The following PARN variants were observed in gnomAD, a reference collection of about 807,000 sequenced individuals.
The protein encoded by PARN is poly(A)-specific ribonuclease, also known as poly(A)-specific ribonuclease PARN.
A neutral mutation model predicts 102.8 loss-of-function variants in PARN; 71 were observed. The observed-to-expected ratio is 0.69, with a 90% confidence interval of 0.57 to 0.84. The LOEUF (loss-of-function observed/expected upper bound fraction) is 0.84, where lower values mean the gene tolerates loss of function less well. PARN is among the 40% of genes least tolerant of loss of function. The pLI is 0.00. For synonymous variants in PARN, 261 were observed against 252.9 expected (o/e 1.03, Z -0.30); for missense variants, 782 against 760.9 (o/e 1.03, Z -0.33).
rs1966866104 is a variant in PARN at position 14,544,634 on chromosome 16, GA to G, written c.1480+7386del. On this transcript the variant is annotated intron_variant, in intron 21 of 23. Coordinates refer to ENST00000437198, the MANE Select transcript of PARN (RefSeq NM_002582.4). Reference sequence around the variant, plus strand: ...CAAATATAAAAAACATAAGGAGGATGAAGTGATTATAATATCAGATAAGGTA... The same window carrying G: ...CAAATATAAAAAACATAAGGAGGATGAGTGATTATAATATCAGATAAGGTA... 3.9e-5 allele frequency among the ~76,000 whole-genome samples: 6 copies of G among 152,202 alleles called. No homozygotes were observed. In the South Asian group the frequency reaches 1.2e-3, roughly 32 times the overall value.
intron 21 of PARN, among the ~76,000 whole-genome samples, chr16:14,500,360 G>T (rs550290981): frequency 6.6e-6 from 1 of 152,126 alleles, no homozygotes; most frequent in Non-Finnish European, 1.5e-5. Flanking sequence ...GCCCAGGCTA[G>T]AATGGTTTCT....
chr16:14,477,777 G>GAAAGGGA (rs956870578), intron 22 of PARN, among the ~76,000 whole-genome samples: 8 of 151,872 alleles, frequency 5.3e-5, no homozygotes, highest in Admixed American at 1.3e-4. Flanking sequence ...GACTCCGTCG[G>GAAAGGGA]AAAGGGAAAA....
At chr16:14,523,832 T>C (rs1411322775) in intron 21 of PARN, among the ~76,000 whole-genome samples, 5 of 152,016 alleles carry the variant, frequency 3.3e-5, no homozygotes, top group Admixed American at 6.6e-5. Context: ...TGTTGCCTAA[T>C]GAAGGGGTAT....
At chr16:14,476,287 T>C (rs1963047581) in intron 22 of PARN, among the ~76,000 whole-genome samples, 1 of 152,198 alleles carries the variant, frequency 6.6e-6, no homozygotes, top group African/African-American at 2.4e-5. Context: ...ACTAATGTAG[T>C]TTACATTCTT....
At chr16:14,447,982 CTAT>C in intron 22 of PARN, among the ~76,000 whole-genome samples, 1 of 143,752 alleles carries the variant, frequency 7.0e-6, no homozygotes, top group East Asian at 2.0e-4. Context: ...ATCTATCTAT[CTAT>C]CTAATCTAAT....
At chr16:14,574,716 A>G (rs1048462059) in intron 18 of PARN, among the ~76,000 whole-genome samples, 5 of 152,184 alleles carry the variant, frequency 3.3e-5, no homozygotes, top group Admixed American at 2.6e-4. Context: ...CCATCTCAAA[A>G]AAAAAGAAAA....
chr16:14,617,523 C>T, intron 6 of PARN, 67 bp downstream of exon 6: 1 of 838,716 alleles, frequency 1.2e-6, no homozygotes, highest in Non-Finnish European at 2.1e-6. Flanking sequence ...CAACCAAGTT[C>T]AGACTTACTT....
At chr16:14,555,990 G>A (rs959982522) in intron 18 of PARN, among the ~76,000 whole-genome samples, 3 of 151,486 alleles carry the variant, frequency 2.0e-5, no homozygotes, top group African/African-American at 7.3e-5. Context: ...TCAGCCTCCT[G>A]AGTAGCTCTA....
chr16:14,624,145 G>A (rs984636484), intron 5 of PARN, among the ~76,000 whole-genome samples: 2 of 152,128 alleles, frequency 1.3e-5, no homozygotes, highest in Non-Finnish European at 1.5e-5. Flanking sequence ...ATTTTTTAAA[G>A]AACATATTAA....
Position 14,580,912 on chromosome 16 carries a change from C to G in PARN, c.1224G>C (p.Val408=), listed in dbSNP as rs1271158259. ...GSFLSPPKIH[V]SARSKLIEPF... ...GTTCAATGAGTTTTGATCTGGCAGACACATGAATTTTTGGAGGGCTGAGAA... is the reference window on the plus strand; with the variant it reads ...GTTCAATGAGTTTTGATCTGGCAGAGACATGAATTTTTGGAGGGCTGAGAA... Residue 408 remains valine (V), a synonymous_variant, in exon 18 of 24, where the codon GTG becomes GTC. Transcript: ENST00000437198. 1 of 1,609,772 alleles carries G rather than the reference C, an allele frequency of 6.2e-7. No homozygotes were observed. The highest frequency in any genetic ancestry group is 1.3e-5 in the African/African-American group (1 of 74,794).
intron 18 of PARN, among the ~76,000 whole-genome samples, chr16:14,570,700 G>A (rs1968750984): frequency 6.6e-6 from 1 of 151,074 alleles, no homozygotes; most frequent in African/African-American, 2.4e-5. Context: ...GAAAGAGGCT[G>A]GGCACCGTGG....
chr16:14,450,883 G>C (rs976495972), intron 22 of PARN, among the ~76,000 whole-genome samples: 3 of 151,932 alleles, frequency 2.0e-5, no homozygotes, highest in Non-Finnish European at 2.9e-5. Context: ...ATTTATTAGG[G>C]GGCAGTAATA....
chr16:14,462,688 C>T (rs1036634069), intron 22 of PARN, among the ~76,000 whole-genome samples: 2 of 152,000 alleles, frequency 1.3e-5, no homozygotes, highest in African/African-American at 4.8e-5. Context: ...AAAAGAGGCT[C>T]TATAAAAAGG....
chr16:14,599,871 C>T (rs1970768950), intron 12 of PARN, 33 bp downstream of exon 12: 3 of 1,395,632 alleles, frequency 2.1e-6, no homozygotes, highest in Non-Finnish European at 3.0e-6. Flanking sequence ...ATAGTATGTT[C>T]TGCAATCTTG....
At chr16:14,615,784 T>C (rs1033478285) in intron 6 of PARN, among the ~76,000 whole-genome samples, 2 of 151,898 alleles carry the variant, frequency 1.3e-5, no homozygotes, top group African/African-American at 4.8e-5. Context: ...GCCTGTGGTC[T>C]CAGCTACTCG....
chr16:14,570,148 G>C (rs1968699791), intron 18 of PARN, among the ~76,000 whole-genome samples: 1 of 151,794 alleles, frequency 6.6e-6, no homozygotes, highest in African/African-American at 2.4e-5. Flanking sequence ...AGACCAGCCT[G>C]GCCAACATGG....
chr16:14,503,909 A>G (rs1964750727), intron 21 of PARN, among the ~76,000 whole-genome samples: 1 of 152,226 alleles, frequency 6.6e-6, no homozygotes, highest in South Asian at 2.1e-4. Context: ...CAAGGAAGAT[A>G]CAAAGTAATG....
In PARN at chr16:14,610,708, G is replaced by A. The variant is rs764510636; in HGVS notation, c.490C>T (p.Pro164Ser). The A allele has an allele frequency of 2.5e-6, 4 of 1,608,538 alleles. No homozygotes were observed. The highest frequency in any genetic ancestry group is 3.4e-6 in the Non-Finnish European group (4 of 1,174,978). ...NGAGALSYVS[P>S]NTSKCPVTIP... ...GTGACAGGACATTTTGAAGTGTTAGGAGATACATAGGACAGAGCTCCTGCA... is the reference window on the plus strand; with the variant it reads ...GTGACAGGACATTTTGAAGTGTTAGAAGATACATAGGACAGAGCTCCTGCA... Residue 164 changes from proline (P) to serine (S), a missense_variant, in exon 7 of 24, where the codon CCT (proline) becomes TCT (serine). Coordinates refer to ENST00000437198, the MANE Select transcript of PARN (RefSeq NM_002582.4).
intron 22 of PARN, among the ~76,000 whole-genome samples, chr16:14,466,031 G>GT (rs1962324079): frequency 6.6e-6 from 1 of 152,116 alleles, no homozygotes; most frequent in Admixed American, 6.5e-5. Flanking sequence ...TCAGAAAAAA[G>GT]TAACTATTGC....
Sources: allele counts gnomAD v4.1 joint callset (sites outside exome capture counted in the v4.1 genomes callset), GRCh38; gene constraint gnomAD v4.1.1; transcripts MANE v1.5; gene names NCBI Gene and HGNC (gene_info 2026-07-23, HGNC 2026-07-21).